The following ROCK1 variants were observed in gnomAD, a reference collection of about 807,000 sequenced individuals.
The protein encoded by ROCK1 is rho-associated protein kinase 1.
ROCK1 carries 36 observed loss-of-function variants against 196.8 expected under a neutral mutation model. The ratio of observed to expected loss-of-function variants is 0.18; its 90% confidence interval spans 0.14 to 0.24. The LOEUF (loss-of-function observed/expected upper bound fraction) is 0.24. Among genes scored for constraint, ROCK1 ranks in the 10% least tolerant of loss-of-function variants. ROCK1 has a pLI of 1.00. For synonymous variants in ROCK1, 443 were observed against 515.9 expected (o/e 0.86, Z 1.91); for missense variants, 920 against 1,562.0 (o/e 0.59, Z 6.93).
rs1192553700 is a variant in ROCK1 at position 20,979,552 on chromosome 18, G to A, written c.2654+358C>T. Among the ~76,000 whole-genome samples, 4 of 151,934 alleles carry A rather than the reference G, an allele frequency of 2.6e-5. No homozygotes were observed. In the South Asian group the frequency reaches 6.2e-4, roughly 24 times the overall value. On this transcript the variant is annotated intron_variant, in intron 22 of 32. Transcript: ENST00000399799. ...CAGGAGAATCGCTTGAACCCGGGAG[G>A]TGGAAGTTGCAGTGAGCCGAGATCA...
At chr18:20,961,329 A>G (rs2035323957) in intron 27 of ROCK1, among the ~76,000 whole-genome samples, 1 of 152,232 alleles carries the variant, frequency 6.6e-6, no homozygotes, top group African/African-American at 2.4e-5. Flanking sequence ...GTCTTACAGT[A>G]ACAGTTAACA....
At chr18:20,976,846 A>G (rs2035485564) in intron 22 of ROCK1, among the ~76,000 whole-genome samples, 2 of 152,102 alleles carry the variant, frequency 1.3e-5, no homozygotes, top group Non-Finnish European at 2.9e-5. Flanking sequence ...CTCTCCTCTC[A>G]TCTCACAATT....
intron 16 of ROCK1, among the ~76,000 whole-genome samples, chr18:20,995,055 G>C (rs1326505186): frequency 6.6e-6 from 1 of 152,062 alleles, no homozygotes; most frequent in Non-Finnish European, 1.5e-5. Flanking sequence ...AAGAAATTAA[G>C]ACCTTTTGCT....
chr18:21,009,165 G>A (rs568368141), intron 13 of ROCK1, among the ~76,000 whole-genome samples: 4 of 144,340 alleles, frequency 2.8e-5, no homozygotes, highest in Admixed American at 1.4e-4. Context: ...TTTGAGACAG[G>A]CTTTTTTTTT....
At chr18:20,996,954 T>TA (rs2035676580) in intron 16 of ROCK1, among the ~76,000 whole-genome samples, 1 of 151,844 alleles carries the variant, frequency 6.6e-6, no homozygotes, top group Non-Finnish European at 1.5e-5. Context: ...AACAGATAGA[T>TA]ACCCAAAAAA....
intron 1 of ROCK1, among the ~76,000 whole-genome samples, chr18:21,090,251 C>T (rs1448006447): frequency 6.6e-6 from 1 of 152,092 alleles, no homozygotes; most frequent in African/African-American, 2.4e-5. Flanking sequence ...ATCCCTCGAA[C>T]CTAATAGTTT....
At chr18:20,965,623 C>A (rs2035367289) in intron 27 of ROCK1, among the ~76,000 whole-genome samples, 1 of 152,104 alleles carries the variant, frequency 6.6e-6, no homozygotes, top group Admixed American at 6.6e-5. Context: ...ATGATTAAGT[C>A]TAACTTTAGA....
chr18:21,086,475 T>C (rs2036529228), intron 1 of ROCK1, among the ~76,000 whole-genome samples: 1 of 152,172 alleles, frequency 6.6e-6, no homozygotes, highest in Non-Finnish European at 1.5e-5. Context: ...CAAATTATCA[T>C]ACAATCAGAC....
chr18:21,077,850 T>G (rs2036447452), intron 1 of ROCK1, among the ~76,000 whole-genome samples: 1 of 152,142 alleles, frequency 6.6e-6, no homozygotes, highest in African/African-American at 2.4e-5. Flanking sequence ...TTTCTGAGGC[T>G]TTTTTGGTAT....
chr18:21,006,537 T>G lies in ROCK1; in HGVS notation c.1699A>C (p.Ser567Arg), dbSNP rs1479489649. The change falls in exon 16 of 33, where the codon AGT (serine) becomes CGT (arginine). Residue 567 changes from serine (S) to arginine (R), a missense_variant. By Grantham distance (110) the Ser-to-Arg change is moderately radical. This residue lies in a region of ROCK1 where 520 missense variants were observed against 657.1 expected (regional missense o/e 0.79). Coordinates refer to ENST00000399799, the MANE Select transcript of ROCK1 (RefSeq NM_005406.3). Reference protein sequence around the residue: ...ESDTAVRLRKSHTEMSKSISQ... With the variant: ...ESDTAVRLRKRHTEMSKSISQ... Reference sequence around the variant, plus strand: ...ATTGACTTGCTCATCTCTGTGTGACTCTTCCTCAATCTTACAGCTGTGTCC... The same window carrying G: ...ATTGACTTGCTCATCTCTGTGTGACGCTTCCTCAATCTTACAGCTGTGTCC... The G allele has an allele frequency of 6.8e-6, 11 of 1,613,744 alleles. No individual in the cohort carries two copies. The highest frequency in any genetic ancestry group is 6.7e-5 in the East Asian group (3 of 44,842).
chr18:20,947,443 T>A lies in ROCK1; in HGVS notation c.*3941A>T, dbSNP rs970651104. ...CATAAAAGATTTGGCAGTAAATATA[T>A]CTAGGCCATTGAGCATGGCTTTATA... is the stretch of plus-strand genomic sequence containing the variant. On this transcript the variant is annotated 3_prime_UTR_variant, in exon 33 of 33. Coordinates refer to ENST00000399799, the MANE Select transcript of ROCK1 (RefSeq NM_005406.3). 6.6e-6 allele frequency: 1 copy of A among 152,114 alleles called. No homozygotes were observed. Among genetic ancestry groups the A allele is most frequent in the Admixed American group, 6.6e-5 (1 of 15,264 alleles). 9.4% of individuals were successfully genotyped at this position (152,114 alleles called of 1,614,324 possible). A position where few individuals can be genotyped will look rare whatever the true frequency, so the allele number is the denominator to read the frequency against.
intron 9 of ROCK1, among the ~76,000 whole-genome samples, chr18:21,037,200 T>C (rs116009810): frequency 0.013 from 2,003 of 152,272 alleles, 44 homozygotes; most frequent in African/African-American, 0.046. Flanking sequence ...GGAAAAATAG[T>C]GTTAAAATCT....
intron 2 of ROCK1, among the ~76,000 whole-genome samples, chr18:21,067,180 T>G (rs1443292418): frequency 6.6e-6 from 1 of 152,184 alleles, no homozygotes; most frequent in African/African-American, 2.4e-5. Context: ...CTAACCACCA[T>G]GAACAGTTCT....
chr18:20,980,096 T>G, intron 21 of ROCK1, 92 bp from the exon 22 acceptor site: 1 of 1,342,372 alleles, frequency 7.4e-7, no homozygotes, highest in South Asian at 1.6e-5. Flanking sequence ...TAACATATGA[T>G]CCAACAATTC....
chr18:20,964,124 A>T (rs2035351633), intron 27 of ROCK1, among the ~76,000 whole-genome samples: 1 of 152,142 alleles, frequency 6.6e-6, no homozygotes, highest in African/African-American at 2.4e-5. Context: ...TTATCCATCC[A>T]ACTACTTAAA....
intron 1 of ROCK1, among the ~76,000 whole-genome samples, chr18:21,092,391 G>T (rs2036577856): frequency 1.3e-5 from 2 of 151,976 alleles, no homozygotes; most frequent in African/African-American, 4.8e-5. Flanking sequence ...AGACCAGGCT[G>T]GGCAACATCG....
At position 21,049,184 on chromosome 18, in the gene ROCK1, T is replaced by G. The variant is rs1228926081; in HGVS notation, c.322A>C (p.Ser108Arg). The G allele has an allele frequency of 6.2e-7, 1 of 1,612,128 alleles. No homozygotes were observed. The highest frequency in any genetic ancestry group is 8.5e-7 in the Non-Finnish European group (1 of 1,178,802). The change falls in exon 4 of 33, where the codon AGC becomes CGC. Residue 108 changes from serine to arginine, a missense_variant. Around this residue, in one of 6 missense-constraint regions of ROCK1, gnomAD observed 234 missense variants for 460.7 expected, o/e 0.51. Transcript: ENST00000399799. ...GATCTCTTTATCATTTCAAATTTGC[T>G]GAGAAGCTTCATAGCATATACCTTC... ...TRKVYAMKLL[S>R]KFEMIKRSDS...
chr18:21,106,429 G>A (rs1180927072), intron 1 of ROCK1, among the ~76,000 whole-genome samples: 2 of 152,078 alleles, frequency 1.3e-5, no homozygotes. Flanking sequence ...CAGCCCTCCA[G>A]GAGCGAGCCA....
intron 11 of ROCK1, among the ~76,000 whole-genome samples, chr18:21,023,177 C>A (rs1357134352): frequency 1.3e-5 from 2 of 152,006 alleles, no homozygotes; most frequent in Admixed American, 6.6e-5. Flanking sequence ...GCAGTGATGG[C>A]TGCACAACTA....
Sources: gnomAD v4.1 joint callset for allele counts (sites outside exome capture counted in the v4.1 genomes callset) on GRCh38, gnomAD v4.1.1 for gene constraint, gnomAD v4.1.1 regional missense constraint, MANE v1.5 for transcripts, NCBI Gene and HGNC (gene_info 2026-07-23, HGNC 2026-07-21) for gene names.